The following XRCC4 variants were observed in gnomAD, a reference collection of about 807,000 sequenced individuals.
XRCC4 encodes the protein X-ray repair cross complementing 4.
A neutral mutation model predicts 39.1 loss-of-function variants in XRCC4; 28 were observed. The ratio of observed to expected loss-of-function variants is 0.72; its 90% CI spans 0.53 to 0.98. The LOEUF (loss-of-function observed/expected upper bound fraction) is 0.98, where lower values mean the gene tolerates loss of function less well. XRCC4 is among the 50% of genes least tolerant of loss of function. The probability of loss-of-function intolerance (pLI) is 0.00; values close to 1 mark genes in which losing one functional copy is unlikely to be tolerated. For missense variants in XRCC4, 350 were observed against 376.4 expected (o/e 0.93, Z 0.58); for synonymous variants, 123 against 126.4 (o/e 0.97, Z 0.18).
intron 3 of XRCC4, among the ~76,000 whole-genome samples, chr5:83,139,014 T>C (rs1748035090): frequency 6.6e-6 from 1 of 152,170 alleles, no homozygotes; most frequent in South Asian, 2.1e-4. Context: ...ATTATATAAT[T>C]ATAGTACAAT....
chr5:83,181,677 A>G (rs941499559), intron 3 of XRCC4, among the ~76,000 whole-genome samples: 1 of 152,220 alleles, frequency 6.6e-6, no homozygotes, highest in Admixed American at 6.5e-5. Flanking sequence ...GAAACAGCCA[A>G]AAGGGAACAC....
At chr5:83,310,036 GTGTC>G (rs1418402037) in intron 7 of XRCC4, among the ~76,000 whole-genome samples, 7 of 152,106 alleles carry the variant, frequency 4.6e-5, no homozygotes, top group Non-Finnish European at 2.9e-5. Flanking sequence ...ATAAAATAGA[GTGTC>G]TGACCTCAGG....
intron 3 of XRCC4, among the ~76,000 whole-genome samples, chr5:83,131,767 T>C (rs1170645983): frequency 6.6e-6 from 1 of 152,136 alleles, no homozygotes; most frequent in African/African-American, 2.4e-5. Flanking sequence ...TTTGAGCCTA[T>C]GTGTGTCTCT....
At chr5:83,236,317 A>G (rs1187846101) in intron 6 of XRCC4, among the ~76,000 whole-genome samples, 2 of 152,196 alleles carry the variant, frequency 1.3e-5, no homozygotes, top group Non-Finnish European at 1.5e-5. Flanking sequence ...TTCAAATTAT[A>G]CTACAAAATT....
intron 7 of XRCC4, among the ~76,000 whole-genome samples, chr5:83,343,897 T>A (rs1756836391): frequency 6.6e-6 from 1 of 152,142 alleles, no homozygotes; most frequent in Admixed American, 6.6e-5. Context: ...TGGATATCCT[T>A]CAGGCACTCA....
intron 6 of XRCC4, among the ~76,000 whole-genome samples, chr5:83,219,094 C>T (rs1751983348): frequency 6.6e-6 from 1 of 152,020 alleles, no homozygotes; most frequent in African/African-American, 2.4e-5. Flanking sequence ...TTATAGGCAA[C>T]CAGCTTCTCC....
chr5:83,133,221 A>G (rs1747694353), intron 3 of XRCC4, among the ~76,000 whole-genome samples: 1 of 152,086 alleles, frequency 6.6e-6, no homozygotes, highest in Non-Finnish European at 1.5e-5. Context: ...CAGAATGGCA[A>G]ATGCTGCTGC....
chr5:83,143,553 T>A (rs191841556), intron 3 of XRCC4, among the ~76,000 whole-genome samples: 305 of 152,342 alleles, frequency 2.0e-3, no homozygotes, highest in Non-Finnish European at 3.8e-3. Context: ...TTCCTGCTGA[T>A]CCATATTTCT....
intron 4 of XRCC4, 63 bp downstream of exon 4, chr5:83,195,999 A>G (rs1263541760): frequency 7.6e-6 from 11 of 1,449,090 alleles, no homozygotes; most frequent in Non-Finnish European, 9.2e-6. Flanking sequence ...TTATAGCTTT[A>G]AGTTAATGAT....
chr5:83,155,795 T>C (rs183887008), intron 3 of XRCC4, among the ~76,000 whole-genome samples: 1 of 152,272 alleles, frequency 6.6e-6, no homozygotes, highest in East Asian at 1.9e-4. Context: ...AAAAACTGTA[T>C]TTAAAAGAAT....
At chr5:83,088,017 A>G (rs1745259862) in intron 1 of XRCC4, among the ~76,000 whole-genome samples, 1 of 152,176 alleles carries the variant, frequency 6.6e-6, no homozygotes, top group Non-Finnish European at 1.5e-5. Flanking sequence ...TGTCGTTGCT[A>G]CTGGTGAATC....
chr5:83,221,727 G>A (rs1275347479), intron 6 of XRCC4, among the ~76,000 whole-genome samples: 1 of 151,754 alleles, frequency 6.6e-6, no homozygotes, highest in Non-Finnish European at 1.5e-5. Context: ...TAAAGGGCTT[G>A]TGTTAAAAGG....
intron 7 of XRCC4, among the ~76,000 whole-genome samples, chr5:83,308,073 T>A (rs1297446346): frequency 6.6e-6 from 1 of 152,196 alleles, no homozygotes; most frequent in African/African-American, 2.4e-5. Context: ...AAAAAGTTGT[T>A]AAATGAGAGA....
intron 3 of XRCC4, among the ~76,000 whole-genome samples, chr5:83,146,805 G>A (rs758096780): frequency 2.6e-5 from 4 of 152,074 alleles, no homozygotes; most frequent in Non-Finnish European, 5.9e-5. Flanking sequence ...TTTTCTGTAT[G>A]TTTTCTTTTT....
intron 7 of XRCC4, among the ~76,000 whole-genome samples, chr5:83,324,520 A>G (rs1226822354): frequency 2.0e-5 from 3 of 152,150 alleles, no homozygotes; most frequent in African/African-American, 7.2e-5. Context: ...TAAGAGGAAA[A>G]GTAGAAAGTG....
At chr5:83,146,969 G>C (rs1239880492) in intron 3 of XRCC4, among the ~76,000 whole-genome samples, 1 of 152,174 alleles carries the variant, frequency 6.6e-6, no homozygotes, top group Non-Finnish European at 1.5e-5. Context: ...AGAATATTAA[G>C]CAAAGCAGTT....
intron 7 of XRCC4, among the ~76,000 whole-genome samples, chr5:83,327,330 T>C (rs1289990730): frequency 6.6e-6 from 1 of 152,098 alleles, no homozygotes; most frequent in African/African-American, 2.4e-5. Flanking sequence ...TCATGTAGCA[T>C]AATGCCTTGA....
intron 3 of XRCC4, among the ~76,000 whole-genome samples, chr5:83,153,595 C>G (rs1334547535): frequency 2.0e-5 from 3 of 152,146 alleles, no homozygotes; most frequent in Non-Finnish European, 1.5e-5. Context: ...CAGTGCGCAC[C>G]TTCCTATCAG....
At chr5:83,356,357 T>C (rs960577337), downstream of XRCC4, among the ~76,000 whole-genome samples, 4 of 152,138 alleles carry the variant, frequency 2.6e-5, no homozygotes, top group Non-Finnish European at 5.9e-5. Context: ...ATAGATATAG[T>C]GAAAGAGAAG....
Sources: gnomAD v4.1 joint callset for allele counts (sites outside exome capture counted in the v4.1 genomes callset) on GRCh38, gnomAD v4.1.1 for gene constraint, MANE v1.5 for transcripts, NCBI Gene and HGNC (gene_info 2026-07-23, HGNC 2026-07-21) for gene names.